Variants in SPMIP4 observed in about 807,000 individuals in gnomAD.
The protein encoded by SPMIP4 is sperm-associated microtubule inner protein 4.
the SPMIP4 span, among the ~76,000 whole-genome samples, chr7:25,153,180 C>A: frequency 2.0e-5 from 3 of 152,066 alleles, no homozygotes; most frequent in Non-Finnish European, 4.4e-5. Flanking sequence ...CTAATAGTGA[C>A]TGAATGGTTG....
chr7:25,147,779 T>TA, the SPMIP4 span, among the ~76,000 whole-genome samples: 1 of 152,202 alleles, frequency 6.6e-6, no homozygotes, highest in Non-Finnish European at 1.5e-5. Flanking sequence ...ATTATGAACT[T>TA]ACGATGTACC....
the SPMIP4 span, chr7:25,168,365 T>C: frequency 6.2e-7 from 1 of 1,613,494 alleles, no homozygotes; most frequent in South Asian, 1.1e-5. Context: ...TACTTTGGCC[T>C]GTGGTCCTCG....
chr7:25,135,076 G>T, the SPMIP4 span: 3 of 449,320 alleles, frequency 6.7e-6, no homozygotes, highest in Non-Finnish European at 8.8e-6. Context: ...GAACTTCCAC[G>T]ATAGACTATG....
At chr7:25,177,476 C>T in the SPMIP4 span, among the ~76,000 whole-genome samples, 429 of 151,874 alleles carry the variant, frequency 2.8e-3, no homozygotes, top group African/African-American at 9.8e-3. Flanking sequence ...AGTGAGACTC[C>T]GTCTAATAAA....
At chr7:25,130,562 C>T in the SPMIP4 span, among the ~76,000 whole-genome samples, 2 of 152,118 alleles carry the variant, frequency 1.3e-5, no homozygotes, top group Non-Finnish European at 2.9e-5. Context: ...GTTCCGCCCA[C>T]GTCAGCCTCC....
chr7:25,139,107 G>A, the SPMIP4 span, among the ~76,000 whole-genome samples: 3 of 151,972 alleles, frequency 2.0e-5, no homozygotes, highest in African/African-American at 7.3e-5. Flanking sequence ...GTTAAAACTC[G>A]ATGAATGTAC....
At chr7:25,133,518 G>T in the SPMIP4 span, among the ~76,000 whole-genome samples, 1 of 152,206 alleles carries the variant, frequency 6.6e-6, no homozygotes, top group Admixed American at 6.5e-5. Context: ...ATATTTAGAA[G>T]ATCTCTCAGA....
the SPMIP4 span, among the ~76,000 whole-genome samples, chr7:25,154,118 T>A: frequency 2.0e-5 from 3 of 152,230 alleles, no homozygotes; most frequent in Admixed American, 6.5e-5. Context: ...GACTCTAGAA[T>A]CCATGCTCTT....
At chr7:25,163,419 G>A in the SPMIP4 span, among the ~76,000 whole-genome samples, 1 of 152,110 alleles carries the variant, frequency 6.6e-6, no homozygotes, top group Non-Finnish European at 1.5e-5. The surrounding 1 kb of genome is among the most constrained non-coding windows in gnomAD (Gnocchi z 4.4). Context: ...TGGAGTGTGA[G>A]GGTTATTTGT....
the SPMIP4 span, chr7:25,126,001 G>A: frequency 1.0e-6 from 1 of 961,108 alleles, no homozygotes; most frequent in Non-Finnish European, 1.2e-6. Flanking sequence ...TTAAGAGGAT[G>A]CAATGATAAC....
chr7:25,173,355 GT>G, the SPMIP4 span, among the ~76,000 whole-genome samples: 63 of 152,290 alleles, frequency 4.1e-4, 3 homozygotes, highest in Admixed American at 3.8e-3. The surrounding 1 kb of genome is among the most constrained non-coding windows in gnomAD (Gnocchi z 4.4). Flanking sequence ...CTCCCTGCCC[GT>G]TTTTGTAAAC....
the SPMIP4 span, among the ~76,000 whole-genome samples, chr7:25,149,998 A>G: frequency 6.6e-6 from 1 of 152,140 alleles, no homozygotes; most frequent in African/African-American, 2.4e-5. Context: ...CTGAGCCTTG[A>G]ATTAGCAAGT....
the SPMIP4 span, chr7:25,136,099 GAA>G: frequency 1.2e-5 from 19 of 1,614,026 alleles, no homozygotes; most frequent in Middle Eastern, 3.3e-4. The surrounding 1 kb of genome is among the most constrained non-coding windows in gnomAD (Gnocchi z 5.7). Flanking sequence ...ACCAGTTTTT[GAA>G]AAAGAGTTCT....
the SPMIP4 span, among the ~76,000 whole-genome samples, chr7:25,165,452 GT>G: frequency 6.6e-6 from 1 of 152,156 alleles, no homozygotes; most frequent in Non-Finnish European, 1.5e-5. Context: ...TATGAAAATT[GT>G]TGCTTTTTTG....
the SPMIP4 span, chr7:25,168,348 A>C: frequency 1.9e-6 from 3 of 1,612,566 alleles, no homozygotes; most frequent in Non-Finnish European, 2.5e-6. Context: ...TGACACGAGG[A>C]GGCTCATACT....
At chr7:25,141,574 G>GAAAAA in the SPMIP4 span, among the ~76,000 whole-genome samples, 11 of 94,940 alleles carry the variant, frequency 1.2e-4, no homozygotes, top group African/African-American at 1.7e-4. Flanking sequence ...CTGTCTCAAG[G>GAAAAA]AAAAAAAAAA....
the SPMIP4 span, among the ~76,000 whole-genome samples, chr7:25,153,455 C>T: frequency 1.3e-5 from 2 of 151,834 alleles, no homozygotes; most frequent in Admixed American, 6.6e-5. Context: ...GCCTATAGTC[C>T]CTGCTACTTG....
At chr7:25,174,178 C>T in the SPMIP4 span, among the ~76,000 whole-genome samples, 3 of 151,826 alleles carry the variant, frequency 2.0e-5, no homozygotes, top group Non-Finnish European at 4.4e-5. This position sits in a 1 kb window ranked among gnomAD's most constrained non-coding sequence, Gnocchi z 4.5. Flanking sequence ...AATTTTAAAC[C>T]TTTCTCTTTC....
chr7:25,164,228 C>T, the SPMIP4 span, among the ~76,000 whole-genome samples: 883 of 152,222 alleles, frequency 5.8e-3, 6 homozygotes, highest in African/African-American at 0.02. Flanking sequence ...CCAGCTACCT[C>T]GAGCTTTGGT....
Sources: allele counts gnomAD v4.1 joint callset (sites outside exome capture counted in the v4.1 genomes callset), GRCh38; gene constraint gnomAD v4.1.1; non-coding constraint Gnocchi (gnomAD v3.1); transcripts MANE v1.5; gene names NCBI Gene and HGNC (gene_info 2026-07-23, HGNC 2026-07-21).